The following VCAN variants were observed in gnomAD, a reference collection of about 807,000 sequenced individuals.
The protein encoded by VCAN is versican.
VCAN carries 44 observed loss-of-function variants against 245.5 expected under a neutral mutation model. The ratio of observed to expected loss-of-function variants is 0.18; its 90% CI spans 0.14 to 0.23. The LOEUF (loss-of-function observed/expected upper bound fraction) is 0.23. VCAN is among the 10% of genes least tolerant of loss of function. The pLI, the probability that VCAN is intolerant of heterozygous loss-of-function variation, is 1.00. For missense variants in VCAN, 3,793 were observed against 4,057.9 expected, an observed-to-expected ratio of 0.93 and a Z score of 1.77; for synonymous variants, 1,413 against 1,437.0, an observed-to-expected ratio of 0.98 and a Z score of 0.38.
Position 83,538,011 on chromosome 5 carries a change from A to G in VCAN, c.5008A>G (p.Thr1670Ala), listed in dbSNP as rs3813671. 2.5e-6 allele frequency: 4 copies of G among 1,613,912 alleles called. No homozygotes were observed. The East Asian group carries it at 8.9e-5, about 36-fold the overall frequency. The change falls in exon 8 of 15, where the codon ACT (threonine) becomes GCT (alanine). Residue 1670 changes from threonine (T) to alanine (A), a missense_variant. Thr to Ala is a moderately conservative substitution (Grantham distance 58). Transcript: ENST00000265077. ...SQRNTTDTLI[T>A]LDTSRIITES... is the part of the protein sequence containing the mutation. ...GAGAAATACTACTGATACACTCATT[A>G]CTTTAGACACTAGCAGGATAATCAC...
intron 2 of VCAN, among the ~76,000 whole-genome samples, chr5:83,489,280 G>C (rs1744888498): frequency 6.6e-6 from 1 of 152,216 alleles, no homozygotes; most frequent in East Asian, 1.9e-4. Context: ...AGAGAGGAGA[G>C]TGGGAGAGAA....
chr5:83,494,027 G>A, intron 5 of VCAN, 96 bp downstream of exon 5: 1 of 1,594,900 alleles, frequency 6.3e-7, no homozygotes, highest in Non-Finnish European at 8.6e-7. Flanking sequence ...GTGCTTGTTT[G>A]GATTCCAAAC....
chr5:83,580,168 T>A lies in VCAN; in HGVS notation c.10063+6T>A. 1 of 1,613,938 alleles carries A rather than the reference T, an allele frequency of 6.2e-7. No homozygotes were observed. The highest frequency in any genetic ancestry group is 2.2e-5 in the East Asian group (1 of 44,876). ...TAAAATTACCTGCATGAACCGTAAGTGGTCCTTTAGAAAGAATGGACTACC... is the reference window on the plus strand; with the variant it reads ...TAAAATTACCTGCATGAACCGTAAGAGGTCCTTTAGAAAGAATGGACTACC... On this transcript the variant is annotated splice_donor_region_variant and intron_variant, in intron 14 of 14. Transcript: ENST00000265077.
Position 83,521,480 on chromosome 5 carries a change from G to T in VCAN, c.3174G>T (p.Glu1058Asp), listed in dbSNP as rs375513582. The T allele has an allele frequency of 1.9e-6, 3 of 1,613,956 alleles. No homozygotes were observed. The highest frequency in any genetic ancestry group is 2.5e-6 in the Non-Finnish European group (3 of 1,180,012). The change falls in exon 7 of 15, where the codon GAG becomes GAT. Residue 1058 changes from glutamate (E) to aspartate (D), a missense_variant. This residue lies in a region of VCAN where 3,182 missense variants were observed against 3,250.3 expected (regional missense o/e 0.98). Coordinates refer to ENST00000265077, the MANE Select transcript of VCAN (RefSeq NM_004385.5). ...GTTCTACAGCTTGGACTCCCAAGGA[G>T]GCAGTAACACCACTGGATGAACAAG... is the stretch of plus-strand genomic sequence containing the variant. Reference protein sequence around the residue: ...ALSSTAWTPKEAVTPLDEQEG... With the variant: ...ALSSTAWTPKDAVTPLDEQEG...
Position 83,512,171 on chromosome 5 carries a change from C to A in VCAN, c.817C>A (p.Gln273Lys). 6.2e-7 allele frequency: 1 copy of A among 1,614,094 alleles called. No homozygotes were observed. Among genetic ancestry groups the A allele is most frequent in the East Asian group, 2.2e-5 (1 of 44,868 alleles). ...GGAGGCTGCAAAAGAGTGTGAAAAC[C>A]AGGATGCCAGGCTGGCAACAGTGGG... Reference protein sequence around the residue: ...FEEAAKECENQDARLATVGEL... With the variant: ...FEEAAKECENKDARLATVGEL... Residue 273 changes from glutamine (Q) to lysine (K), a missense_variant, in exon 6 of 15, where the codon CAG (glutamine) becomes AAG (lysine). By Grantham distance (53) the Gln-to-Lys change is moderately conservative. Coordinates refer to ENST00000265077, the MANE Select transcript of VCAN (RefSeq NM_004385.5).
At chr5:83,532,111 C>T (rs1156508905) in intron 7 of VCAN, among the ~76,000 whole-genome samples, 1 of 152,124 alleles carries the variant, frequency 6.6e-6, no homozygotes, top group Non-Finnish European at 1.5e-5. Context: ...TAGAGCACAT[C>T]TCCATTTCGG....
Position 83,490,452 on chromosome 5 carries a change from C to T in VCAN, c.425C>T (p.Thr142Met), listed in dbSNP as rs1243361203. ...TACGGGATTGAAGACACACAAGACA[C>T]GGTGTCACTGACTGTGGATGGTAAG... ...VMYGIEDTQD[T>M]VSLTVDGVVF... The change falls in exon 3 of 15, where the codon ACG becomes ATG. Residue 142 changes from threonine to methionine, a missense_variant. Coordinates refer to ENST00000265077, the MANE Select transcript of VCAN (RefSeq NM_004385.5). 3.1e-6 allele frequency: 5 copies of T among 1,613,940 alleles called. No individual in the cohort carries two copies. The African/African-American group carries it at 5.3e-5, about 17-fold the overall frequency.
chr5:83,501,878 G>A (rs980185649), intron 5 of VCAN, among the ~76,000 whole-genome samples: 1 of 152,146 alleles, frequency 6.6e-6, no homozygotes, highest in Non-Finnish European at 1.5e-5. Flanking sequence ...TCAACTTGGG[G>A]TATATTGCCC....
chr5:83,555,169 A>T, intron 12 of VCAN, 131 bp downstream of exon 12: 1 of 886,362 alleles, frequency 1.1e-6, no homozygotes, highest in South Asian at 1.4e-5. Flanking sequence ...ACTCAGTGAA[A>T]CAGAGAAGGG....
At chr5:83,504,616 A>C (rs1745429113) in intron 5 of VCAN, among the ~76,000 whole-genome samples, 1 of 152,166 alleles carries the variant, frequency 6.6e-6, no homozygotes, top group South Asian at 2.1e-4. Flanking sequence ...TCCTGACCTC[A>C]GATGATCCAC....
chr5:83,490,379 G>T lies in VCAN; in HGVS notation c.352G>T (p.Val118Phe). 6.2e-7 allele frequency: 1 copy of T among 1,614,250 alleles called. No homozygotes were observed. The highest frequency in any genetic ancestry group is 1.3e-5 in the African/African-American group (1 of 75,066). ...EAVGDASLTV[V>F]KLLASDAGLY... ...TGTGGGCGATGCCTCCCTCACTGTG[G>T]TCAAGCTGCTGGCAAGTGATGCGGG... The change falls in exon 3 of 15, where the codon GTC becomes TTC. Residue 118 changes from valine to phenylalanine, a missense_variant. Coordinates refer to ENST00000265077, the MANE Select transcript of VCAN (RefSeq NM_004385.5).
intron 12 of VCAN, among the ~76,000 whole-genome samples, chr5:83,569,534 A>T (rs1748205537): frequency 6.6e-6 from 1 of 152,218 alleles, no homozygotes; most frequent in Admixed American, 6.6e-5. Flanking sequence ...GGAGAAAAAA[A>T]TGCAATTAAT....
chr5:83,519,540 C>A lies in VCAN; in HGVS notation c.1234C>A (p.Pro412Thr). Residue 412 changes from proline (P) to threonine (T), a missense_variant, in exon 7 of 15, where the codon CCT becomes ACT. Around this residue, in one of 5 missense-constraint regions of VCAN, gnomAD observed 3,182 missense variants for 3,250.3 expected, o/e 0.98. Transcript: ENST00000265077. Reference protein sequence around the residue: ...VSFEQKATVQPQAITDSLATK... With the variant: ...VSFEQKATVQTQAITDSLATK... The stretch of plus-strand genomic sequence containing the variant: ...TTTTGAACAGAAAGCCACAGTCCAA[C>A]CTCAGGCTATCACAGATAGTTTAGC... 6.2e-7 allele frequency: 1 copy of A among 1,614,142 alleles called. No individual in the cohort carries two copies. Among genetic ancestry groups the A allele is most frequent in the Non-Finnish European group, 8.5e-7 (1 of 1,179,986 alleles).
chr5:83,506,710 T>C (rs547008409), intron 5 of VCAN, among the ~76,000 whole-genome samples: 1 of 152,276 alleles, frequency 6.6e-6, no homozygotes, highest in Admixed American at 6.5e-5. Context: ...ACCAATTTAC[T>C]GTATTAGTTT....
Position 83,540,095 on chromosome 5 carries a change from G to A in VCAN, c.7092G>A (p.Arg2364=), listed in dbSNP as rs746990091. Reference sequence around the variant, plus strand: ...GACATCCTCAAAATCAGACTGTCAGGTGGGCAGAAGAAATCCAGACTAGTA... The same window carrying A: ...GACATCCTCAAAATCAGACTGTCAGATGGGCAGAAGAAATCCAGACTAGTA... ...DIGHPQNQTV[R]WAEEIQTSRP... is the part of the protein sequence containing the mutation. Residue 2364 remains arginine, a synonymous_variant, in exon 8 of 15, where the codon AGG becomes AGA. Coordinates refer to ENST00000265077, the MANE Select transcript of VCAN (RefSeq NM_004385.5). The A allele has an allele frequency of 1.1e-5, 17 of 1,614,008 alleles. No homozygotes were observed. The highest frequency in any genetic ancestry group is 1.3e-5 in the Non-Finnish European group (15 of 1,179,990).
intron 12 of VCAN, among the ~76,000 whole-genome samples, chr5:83,565,342 T>C (rs1032321246): frequency 1.4e-4 from 21 of 152,054 alleles, no homozygotes; most frequent in African/African-American, 5.1e-4. Context: ...TTACCAAGTC[T>C]TAGGTCTTAG....
rs1746033486 is a variant in VCAN at position 83,520,366 on chromosome 5, C to T, written c.2060C>T (p.Thr687Ile). The T allele has an allele frequency of 6.2e-7, 1 of 1,612,138 alleles. No individual in the cohort carries two copies. ...GAAATGACACATAGAAGAGAAAGAA[C>T]AGAAACACTAATACCAGAGATGAGA... ...QTEMTHRRER[T>I]ETLIPEMRTD... Residue 687 changes from threonine (T) to isoleucine (I), a missense_variant, in exon 7 of 15, where the codon ACA becomes ATA. Around this residue, in one of 5 missense-constraint regions of VCAN, gnomAD observed 3,182 missense variants for 3,250.3 expected, o/e 0.98. Coordinates refer to ENST00000265077, the MANE Select transcript of VCAN (RefSeq NM_004385.5).
chr5:83,521,668 C>T lies in VCAN; in HGVS notation c.3362C>T (p.Thr1121Ile). The T allele has an allele frequency of 6.2e-7, 1 of 1,613,848 alleles. No homozygotes were observed. Among genetic ancestry groups the T allele is most frequent in the Middle Eastern group, 1.6e-4 (1 of 6,062 alleles). ...EHKVKTDEVVTLTPRIGPKVS... is the reference protein window; with the variant it reads ...EHKVKTDEVVILTPRIGPKVS... ...AAAGTGAAAACAGATGAAGTGGTAA[C>T]ACTAACACCACGCATTGGGCCAAAA... Residue 1121 changes from threonine to isoleucine, a missense_variant, in exon 7 of 15, where the codon ACA (threonine) becomes ATA (isoleucine). This residue lies in a region of VCAN where 3,182 missense variants were observed against 3,250.3 expected (regional missense o/e 0.98). Transcript: ENST00000265077.
chr5:83,529,141 C>T (rs933222383), intron 7 of VCAN, among the ~76,000 whole-genome samples: 1 of 151,106 alleles, frequency 6.6e-6, no homozygotes, highest in Non-Finnish European at 1.5e-5. Flanking sequence ...TTTTGAAGTA[C>T]ATTCTGGTTA....
Sources: gnomAD v4.1 joint callset for allele counts (sites outside exome capture counted in the v4.1 genomes callset) on GRCh38, gnomAD v4.1.1 for gene constraint, gnomAD v4.1.1 regional missense constraint, MANE v1.5 for transcripts, NCBI Gene and HGNC (gene_info 2026-07-23, HGNC 2026-07-21) for gene names.